The following HERC1 variants were observed in gnomAD, a reference collection of about 807,000 sequenced individuals.
HERC1 encodes the protein probable E3 ubiquitin-protein ligase HERC1.
HERC1 carries 160 observed loss-of-function variants against 554.3 expected under a neutral mutation model. That is an observed-to-expected ratio of 0.29 (90% CI 0.25 to 0.33). HERC1 has a LOEUF of 0.33. Ranked by LOEUF, HERC1 falls within the 10% of genes least tolerant of loss-of-function variation. The pLI is 1.00. For synonymous variants in HERC1, 2,175 were observed against 2,131.7 expected (o/e 1.02, Z -0.56); for missense variants, 4,919 against 5,918.5 (o/e 0.83, Z 5.54).
chr15:63,819,156 C>T (rs1218675927), intron 1 of HERC1, among the ~76,000 whole-genome samples: 1 of 152,230 alleles, frequency 6.6e-6, no homozygotes, highest in Non-Finnish European at 1.5e-5. Flanking sequence ...ACTCTGGCAA[C>T]TTTACAAAGA....
chr15:63,722,168 T>C (rs1472157936), intron 19 of HERC1, among the ~76,000 whole-genome samples: 1 of 152,176 alleles, frequency 6.6e-6, no homozygotes, highest in East Asian at 1.9e-4. Flanking sequence ...GCCCAGCCTA[T>C]AAAATTAATT....
intron 46 of HERC1, among the ~76,000 whole-genome samples, chr15:63,660,327 TA>T (rs1689669647): frequency 7.1e-6 from 1 of 140,424 alleles, no homozygotes. Context: ...CTCAAAGAAA[TA>T]AAAACAATAA....
chr15:63,686,161 T>A (rs1240574992), intron 34 of HERC1, among the ~76,000 whole-genome samples, 198 bp downstream of exon 34: 1 of 152,180 alleles, frequency 6.6e-6, no homozygotes, highest in African/African-American at 2.4e-5. Context: ...GAGATAACTT[T>A]AGAATTATAA....
chr15:63,793,983 A>T (rs2144373635), intron 1 of HERC1, among the ~76,000 whole-genome samples: 2 of 152,276 alleles, frequency 1.3e-5, no homozygotes, highest in African/African-American at 4.8e-5. Flanking sequence ...GGAGCTGGCT[A>T]AAACTCACCA....
chr15:63,722,017 T>C (rs189753690), intron 19 of HERC1, among the ~76,000 whole-genome samples: 3 of 152,240 alleles, frequency 2.0e-5, no homozygotes, highest in East Asian at 1.9e-4. Flanking sequence ...CACGCCTCCA[T>C]GACCAGCTAA....
chr15:63,764,318 C>A, intron 2 of HERC1, 127 bp from the exon 3 acceptor site: 2 of 627,398 alleles, frequency 3.2e-6, no homozygotes. Context: ...GCACTGAAAC[C>A]AAATCCTAAC....
intron 33 of HERC1, among the ~76,000 whole-genome samples, chr15:63,688,685 A>G (rs2071925797): frequency 6.6e-6 from 1 of 152,232 alleles, no homozygotes; most frequent in South Asian, 2.1e-4. Flanking sequence ...AAAGTAGGAG[A>G]ACCAGGACAA....
chr15:63,815,455 G>T (rs1034444515), intron 1 of HERC1, among the ~76,000 whole-genome samples: 4 of 152,174 alleles, frequency 2.6e-5, no homozygotes, highest in Non-Finnish European at 4.4e-5. Context: ...TATGCCTACT[G>T]CAGAAGGTTG....
intron 1 of HERC1, among the ~76,000 whole-genome samples, chr15:63,815,941 A>G (rs946416559): frequency 3.3e-5 from 5 of 152,144 alleles, no homozygotes; most frequent in African/African-American, 1.2e-4. Flanking sequence ...TTTTAAAACC[A>G]TCAGATCTCA....
intron 2 of HERC1, among the ~76,000 whole-genome samples, chr15:63,770,086 G>A (rs1425646791): frequency 6.6e-6 from 1 of 152,020 alleles, no homozygotes; most frequent in Non-Finnish European, 1.5e-5. Flanking sequence ...TATAGCATGG[G>A]ATACAGGGCC....
chr15:63,820,856 T>C (rs2077666188), intron 1 of HERC1, among the ~76,000 whole-genome samples: 1 of 152,030 alleles, frequency 6.6e-6, no homozygotes, highest in Non-Finnish European at 1.5e-5. Flanking sequence ...TGAGGAAAAA[T>C]AACTTACCAG....
intron 12 of HERC1, among the ~76,000 whole-genome samples, chr15:63,739,125 G>GA (rs1555432345): frequency 7.1e-6 from 1 of 139,890 alleles, no homozygotes; most frequent in South Asian, 2.2e-4. Flanking sequence ...ACTACCAAAA[G>GA]AAAAAAAGCC....
Position 63,612,434 on chromosome 15 carries a change from C to A in HERC1, c.14217G>T (p.Lys4739Asn). ...GMPEISVEVL[K>N]KVVRYREVDE... Reference sequence around the variant, plus strand: ...CCACCTCACGGTACCGCACCACTTTCTTCAAGACTTCCACAGAGATCTCGG... The same window carrying A: ...CCACCTCACGGTACCGCACCACTTTATTCAAGACTTCCACAGAGATCTCGG... The change falls in exon 77 of 78, where the codon AAG (lysine) becomes AAT (asparagine). Residue 4739 changes from lysine (K) to asparagine (N), a missense_variant. Physicochemically the swap from Lys to Asn is moderately conservative, Grantham distance 94 (BLOSUM62 0). Coordinates refer to ENST00000443617, the MANE Select transcript of HERC1 (RefSeq NM_003922.4). This position sits in a 1 kb window ranked among gnomAD's most constrained non-coding sequence, Gnocchi z 5.0. The A allele has an allele frequency of 6.2e-7, 1 of 1,614,048 alleles. No individual in the cohort carries two copies. The highest frequency in any genetic ancestry group is 8.5e-7 in the Non-Finnish European group (1 of 1,179,904).
intron 1 of HERC1, among the ~76,000 whole-genome samples, chr15:63,806,955 C>G (rs1419521735): frequency 6.6e-6 from 1 of 152,062 alleles, no homozygotes; most frequent in Non-Finnish European, 1.5e-5. Flanking sequence ...ACCATGTTGG[C>G]CAGACTGGTC....
At chr15:63,826,459 T>A (rs1018896189) in intron 1 of HERC1, among the ~76,000 whole-genome samples, 6 of 152,068 alleles carry the variant, frequency 3.9e-5, no homozygotes, top group African/African-American at 1.4e-4. Context: ...TGTGAACCAG[T>A]AACTACCATA....
In HERC1 at chr15:63,800,679, A is replaced by G. The variant is rs370269808; in HGVS notation, c.-26-25030T>C. Among the ~76,000 whole-genome samples the G allele has an allele frequency of 3.3e-5, 5 of 152,332 alleles. No individual in the cohort carries two copies. The East Asian group carries it at 7.7e-4, about 23-fold the overall frequency. On this transcript the variant is annotated intron_variant, in intron 1 of 77. Coordinates refer to ENST00000443617, the MANE Select transcript of HERC1 (RefSeq NM_003922.4). The stretch of plus-strand genomic sequence containing the variant: ...AGCACCTTGCATGGTTTGCAATTAT[A>G]TATAATTTGTGCGATTTGTTTAATG...
chr15:63,681,449 G>A (rs1023093346), intron 34 of HERC1, among the ~76,000 whole-genome samples: 5 of 151,942 alleles, frequency 3.3e-5, no homozygotes, highest in South Asian at 2.1e-4. Flanking sequence ...CTCCCACCTC[G>A]GCCTCCCAAA....
chr15:63,739,918 T>TTTA (rs201213378), intron 12 of HERC1, among the ~76,000 whole-genome samples: 1,869 of 151,966 alleles, frequency 0.012, 35 homozygotes, highest in African/African-American at 0.043. Flanking sequence ...ATATTTTATT[T>TTTA]TTTTTTTTTT....
At chr15:63,708,628 C>T (rs138073059) in intron 24 of HERC1, among the ~76,000 whole-genome samples, 5 of 152,108 alleles carry the variant, frequency 3.3e-5, no homozygotes, top group African/African-American at 4.8e-5. Flanking sequence ...GTAGATAACA[C>T]GTCATATAAT....
Sources: allele counts gnomAD v4.1 joint callset (sites outside exome capture counted in the v4.1 genomes callset), GRCh38; gene constraint gnomAD v4.1.1; non-coding constraint Gnocchi (gnomAD v3.1); transcripts MANE v1.5; gene names NCBI Gene and HGNC (gene_info 2026-07-23, HGNC 2026-07-21).